The following TMEM101 variants were observed in gnomAD, a reference collection of about 807,000 sequenced individuals.
The protein encoded by TMEM101 is transmembrane protein 101.
TMEM101 carries 14 observed loss-of-function variants against 26.0 expected under a neutral mutation model. The ratio of observed to expected loss-of-function variants is 0.54; its 90% confidence interval spans 0.36 to 0.84. The LOEUF (loss-of-function observed/expected upper bound fraction) is 0.84, where lower values mean the gene tolerates loss of function less well. TMEM101 is among the 40% of genes least tolerant of loss of function. The probability of loss-of-function intolerance (pLI) is 0.01; values close to 1 mark genes in which losing one functional copy is unlikely to be tolerated. For missense variants in TMEM101, 292 were observed against 345.1 expected (o/e 0.85, Z 1.22); for synonymous variants, 152 against 145.1 (o/e 1.05, Z -0.34).
upstream of TMEM101, chr17:44,023,192 C>A: frequency 1.2e-5 from 2 of 167,368 alleles, no homozygotes; most frequent in South Asian, 2.4e-4. Context: ...GCATGAGCTC[C>A]AGTCACAAGG....
At chr17:44,021,805 C>G (rs570433684) in intron 1 of TMEM101, among the ~76,000 whole-genome samples, 9 of 152,320 alleles carry the variant, frequency 5.9e-5, no homozygotes, top group African/African-American at 2.2e-4. Flanking sequence ...TCCAGCAAAG[C>G]CCAACAGCAA....
rs541535372 is a variant in TMEM101, at chr17:44,020,245, C to T, written c.-210+1077G>A. 4.6e-5 allele frequency among the ~76,000 whole-genome samples: 7 copies of T among 152,276 alleles called. No homozygotes were observed. In the East Asian group the frequency reaches 1.2e-3, roughly 25 times the overall value. ...ATGGCCACCCCCAAGTGTGTCTCCC[C>T]GTCCAAGCAGGTATTGCCACCTGTA... On this transcript the variant is annotated intron_variant, in intron 2 of 4. Coordinates refer to the TMEM101 transcript ENST00000585950.
chr17:44,011,535 G>A lies in TMEM101; in HGVS notation c.*393C>T. 4.2e-6 allele frequency: 1 copy of A among 239,172 alleles called. No homozygotes were observed. The highest frequency in any genetic ancestry group is 8.3e-6 in the Non-Finnish European group (1 of 120,918). The allele number at this position is 239,172 out of a possible 1,614,324, so 14.8% of individuals were successfully genotyped here. On this transcript the variant is annotated 3_prime_UTR_variant, in exon 4 of 4. Coordinates refer to ENST00000206380, the MANE Select transcript of TMEM101 (RefSeq NM_032376.4). ...AGCACTGCAGAGCCTAGCTGCATCT[G>A]CCAGGTTCAAAGAGGAATTTTTCAC...
At chr17:44,022,659 T>A (rs1728769044) in intron 1 of TMEM101, among the ~76,000 whole-genome samples, 1 of 152,206 alleles carries the variant, frequency 6.6e-6, no homozygotes, top group Non-Finnish European at 1.5e-5. Flanking sequence ...TGCACTAATT[T>A]AGATTCCCAA....
At chr17:44,016,645 T>C (rs999344963), upstream of TMEM101, among the ~76,000 whole-genome samples, 2 of 152,338 alleles carry the variant, frequency 1.3e-5, no homozygotes, top group South Asian at 2.1e-4. Flanking sequence ...TGAAAATGTG[T>C]GGCTGACTGG....
chr17:44,012,302 C>G (rs577035736), intron 3 of TMEM101, 66 bp from the exon 4 acceptor site: 15 of 1,478,706 alleles, frequency 1.0e-5, no homozygotes, highest in Non-Finnish European at 1.2e-5. Flanking sequence ...TAAACCACCC[C>G]TGAGATGGCA....
chr17:44,017,152 C>CAAAAAAAA (rs11406745), upstream of TMEM101, among the ~76,000 whole-genome samples: 19 of 135,298 alleles, frequency 1.4e-4, no homozygotes, highest in Non-Finnish European at 3.0e-4. Flanking sequence ...GACTCTGTCT[C>CAAAAAAAA]AAAAAAAAAA....
chr17:44,014,886 G>C lies in TMEM101; in HGVS notation c.67C>G (p.Leu23Val). The C allele has an allele frequency of 1.2e-6, 2 of 1,614,090 alleles. No homozygotes were observed. Among genetic ancestry groups the C allele is most frequent in the Non-Finnish European group, 1.7e-6 (2 of 1,179,980 alleles). Residue 23 changes from leucine (L) to valine (V), a missense_variant, in exon 1 of 4, where the codon CTC becomes GTC. Leu to Val is a conservative substitution (Grantham distance 32). Transcript: ENST00000206380. ...CAGCCCCAAAAGGGGCAGCGTGTGA[G>C]CAGCACCGAACCCAACTGCATGATC... Reference protein sequence around the residue: ...QLIMQLGSVLLTRCPFWGCFS... With the variant: ...QLIMQLGSVLVTRCPFWGCFS...
chr17:44,012,404 T>C (rs2049172957), intron 3 of TMEM101, 168 bp from the exon 4 acceptor site: 2 of 645,810 alleles, frequency 3.1e-6, no homozygotes, highest in South Asian at 2.0e-5. Context: ...CCTCGGACTA[T>C]GGAGCCCCAG....
At chr17:44,018,036 G>A (rs2049251253), upstream of TMEM101, among the ~76,000 whole-genome samples, 2 of 151,980 alleles carry the variant, frequency 1.3e-5, 1 homozygote, top group South Asian at 4.2e-4. Context: ...GAGGCAGAAG[G>A]ATCGCTTGAA....
At chr17:44,017,683 A>C (rs1313738947), upstream of TMEM101, among the ~76,000 whole-genome samples, 1 of 151,092 alleles carries the variant, frequency 6.6e-6, no homozygotes, top group Admixed American at 6.6e-5. Context: ...GAATTGCTTG[A>C]ATCTGGGAGA....
chr17:44,013,239 C>G, intron 2 of TMEM101, 84 bp from the exon 3 acceptor site: 1 of 1,306,868 alleles, frequency 7.7e-7, no homozygotes, highest in Non-Finnish European at 1.0e-6. Flanking sequence ...CCACCCCTCT[C>G]TACACATCCC....
chr17:44,020,881 G>A (rs1184965263), intron 2 of TMEM101, among the ~76,000 whole-genome samples: 1 of 152,230 alleles, frequency 6.6e-6, no homozygotes, highest in Non-Finnish European at 1.5e-5. Flanking sequence ...TTCTATTGCA[G>A]CAGTGGCTAC....
rs995271370 is a variant in TMEM101, at chr17:44,014,547, G to C, written c.138-10C>G. ...TGGGATGTCGGGCTTCCTGCGAGCC[G>C]GGAGTGGGGAAGCAACGAGGACAGA... On this transcript the variant is annotated splice_polypyrimidine_tract_variant and intron_variant, in intron 1 of 3. Coordinates refer to ENST00000206380, the MANE Select transcript of TMEM101 (RefSeq NM_032376.4). 6.4e-7 allele frequency: 1 copy of C among 1,568,280 alleles called. No homozygotes were observed. Among genetic ancestry groups the C allele is most frequent in the Non-Finnish European group, 8.7e-7 (1 of 1,154,204 alleles).
rs188398242 is a variant in TMEM101 at position 44,020,124 on chromosome 17, G to A, written c.-210+1198C>T. On this transcript the variant is annotated intron_variant, in intron 2 of 4. Transcript: ENST00000585950. ...GGGGAGAATACTGTGATAGGGTACC[G>A]TCACCAGGGAGTCCGGCGCATTCAT... Among the ~76,000 whole-genome samples, 31 of 152,268 alleles carry A rather than the reference G, an allele frequency of 2.0e-4. No homozygotes were observed. The East Asian group carries it at 3.7e-3, about 18-fold the overall frequency.
At chr17:44,022,840 T>C (rs2049297776) in intron 1 of TMEM101, among the ~76,000 whole-genome samples, 1 of 152,150 alleles carries the variant, frequency 6.6e-6, no homozygotes, top group Non-Finnish European at 1.5e-5. Context: ...ATGTTCTGTG[T>C]GAGAGACGCA....
upstream of TMEM101, among the ~76,000 whole-genome samples, chr17:44,019,719 C>A (rs77938686): frequency 1.3e-5 from 2 of 152,180 alleles, no homozygotes; most frequent in South Asian, 4.1e-4. Flanking sequence ...TGGCCTCAAT[C>A]TGATACTCAA....
chr17:44,015,041 TTC>T, upstream of TMEM101: 1 of 1,486,380 alleles, frequency 6.7e-7, no homozygotes, highest in Non-Finnish European at 9.0e-7. Flanking sequence ...CAAGCGCTTT[TTC>T]TTTTTCCTCC....
At chr17:44,017,806 C>T (rs961035640), upstream of TMEM101, among the ~76,000 whole-genome samples, 1 of 151,112 alleles carries the variant, frequency 6.6e-6, no homozygotes, top group Non-Finnish European at 1.5e-5. Flanking sequence ...GAAAGGTGGG[C>T]AATAAAACCC....
Sources: allele counts gnomAD v4.1 joint callset (sites outside exome capture counted in the v4.1 genomes callset), GRCh38; gene constraint gnomAD v4.1.1; transcripts MANE v1.5; gene names NCBI Gene and HGNC (gene_info 2026-07-23, HGNC 2026-07-21).